Variants in SMOC2 observed in about 807,000 individuals in gnomAD.
The protein encoded by SMOC2 is SPARC related modular calcium binding 2.
SMOC2 carries 39 observed loss-of-function variants against 61.4 expected under a neutral mutation model. The observed-to-expected ratio is 0.64, with a 90% CI of 0.49 to 0.83. SMOC2 has a LOEUF of 0.83. SMOC2 is among the 40% of genes least tolerant of loss of function. The pLI is 0.00. For missense variants in SMOC2, 556 were observed against 592.9 expected (o/e 0.94, Z 0.65); for synonymous variants, 247 against 239.9 (o/e 1.03, Z -0.27).
chr6:168,511,591 C>A (rs1361725279), intron 2 of SMOC2, among the ~76,000 whole-genome samples: 1 of 152,154 alleles, frequency 6.6e-6, no homozygotes, highest in Non-Finnish European at 1.5e-5. Context: ...CAGAGTGCAT[C>A]CCTGTCATTA....
rs111210862 is a variant in SMOC2, at chr6:168,599,703, C to G, written c.824+699C>G. ...ACACTCTCACACTCTCACACACACA[C>G]CCACAGTCACACACAACCACTAATA... is the stretch of plus-strand genomic sequence containing the variant. On this transcript the variant is annotated intron_variant, in intron 8 of 12. Coordinates refer to ENST00000356284, the MANE Select transcript of SMOC2 (RefSeq NM_001166412.2). Among the ~76,000 whole-genome samples, 1,288 of 146,126 alleles carry G rather than the reference C, an allele frequency of 8.8e-3. 25 individuals carry two copies. Among genetic ancestry groups the G allele is most frequent in the African/African-American group, 0.031 (1,192 of 38,968 alleles).
chr6:168,464,809 G>T (rs1781792878), intron 1 of SMOC2, among the ~76,000 whole-genome samples: 1 of 152,210 alleles, frequency 6.6e-6, no homozygotes, highest in Admixed American at 6.5e-5. Flanking sequence ...AGAAGCATTT[G>T]GGAGAGGAAT....
chr6:168,520,937 C>G (rs1583076739), intron 2 of SMOC2, among the ~76,000 whole-genome samples: 2 of 152,166 alleles, frequency 1.3e-5, no homozygotes, highest in South Asian at 2.1e-4. Context: ...TTTAACTGTT[C>G]CTTTTAATTG....
chr6:168,447,120 G>A (rs1233127176), intron 1 of SMOC2, among the ~76,000 whole-genome samples: 2 of 152,214 alleles, frequency 1.3e-5, no homozygotes, highest in East Asian at 3.9e-4. Context: ...AGGCTGGAGT[G>A]CAGTGGTGCA....
chr6:168,576,913 A>G (rs375036623), intron 7 of SMOC2, among the ~76,000 whole-genome samples: 4 of 152,010 alleles, frequency 2.6e-5, no homozygotes, highest in South Asian at 2.1e-4. Context: ...TTTCCCCTCA[A>G]GCACGCATGA....
chr6:168,447,854 G>C (rs987948505), intron 1 of SMOC2, among the ~76,000 whole-genome samples: 2 of 151,730 alleles, frequency 1.3e-5, no homozygotes, highest in Non-Finnish European at 2.9e-5. Context: ...AAAATGCTGT[G>C]GTATGTAAGT....
intron 11 of SMOC2, among the ~76,000 whole-genome samples, chr6:168,658,047 T>G (rs969653225): frequency 3.7e-4 from 56 of 152,180 alleles, no homozygotes; most frequent in African/African-American, 1.3e-3. Flanking sequence ...TTTTGCTCTT[T>G]GAGACTTAAA....
intron 11 of SMOC2, 52 bp downstream of exon 11, chr6:168,653,280 G>C: frequency 6.4e-7 from 1 of 1,561,438 alleles, no homozygotes; most frequent in Non-Finnish European, 8.6e-7. Context: ...CCTGAGGCCT[G>C]GGAGGTCTGC....
At chr6:168,469,647 G>A (rs1781925726) in intron 1 of SMOC2, among the ~76,000 whole-genome samples, 1 of 152,188 alleles carries the variant, frequency 6.6e-6, no homozygotes. Flanking sequence ...TCCACCAGCA[G>A]AGCTGCTCGG....
chr6:168,506,834 C>T (rs546770112), intron 1 of SMOC2, among the ~76,000 whole-genome samples: 10 of 152,242 alleles, frequency 6.6e-5, no homozygotes, highest in Non-Finnish European at 1.3e-4. Context: ...TTTTAAGACT[C>T]TCAACCGAGT....
chr6:168,557,806 T>C (rs1784282984), intron 7 of SMOC2, among the ~76,000 whole-genome samples: 1 of 152,244 alleles, frequency 6.6e-6, no homozygotes, highest in African/African-American at 2.4e-5. Flanking sequence ...CAAGGCACCG[T>C]GTGTTCTAAT....
chr6:168,499,958 A>C (rs1168697768), intron 1 of SMOC2, among the ~76,000 whole-genome samples: 1 of 152,260 alleles, frequency 6.6e-6, no homozygotes, highest in Non-Finnish European at 1.5e-5. Flanking sequence ...GTTTAGAACA[A>C]TGCCTGGCCC....
chr6:168,592,439 C>T (rs865915294), intron 7 of SMOC2, among the ~76,000 whole-genome samples: 1 of 99,210 alleles, frequency 1.0e-5, no homozygotes, highest in Non-Finnish European at 2.1e-5. Context: ...TCTAGAGGAT[C>T]GCCGAGCTCC....
chr6:168,647,209 G>A lies in SMOC2; in HGVS notation c.908-3472G>A, dbSNP rs35642256. On this transcript the variant is annotated intron_variant, in intron 9 of 12. Transcript: ENST00000356284. ...AAAATAAAGGGTGACTGGGTACATC[G>A]CTGAGCCTGCATGCGGCAGTTTTGA... 3.4e-3 allele frequency among the ~76,000 whole-genome samples: 514 copies of A among 152,298 alleles called. 1 individual carries two copies. The highest frequency in any genetic ancestry group is 5.5e-3 in the Non-Finnish European group (377 of 68,026).
chr6:168,559,215 G>A (rs1183969487), intron 7 of SMOC2, among the ~76,000 whole-genome samples: 1 of 152,100 alleles, frequency 6.6e-6, no homozygotes, highest in African/African-American at 2.4e-5. Flanking sequence ...CAGCACTTTG[G>A]GAGGCCAAGG....
intron 1 of SMOC2, among the ~76,000 whole-genome samples, chr6:168,459,054 ACT>A (rs926308834): frequency 6.6e-6 from 1 of 151,896 alleles, no homozygotes; most frequent in African/African-American, 2.4e-5. Flanking sequence ...ACCCAAATAA[ACT>A]CTATTCCCCA....
chr6:168,521,854 G>C (rs918044253), intron 2 of SMOC2, among the ~76,000 whole-genome samples: 3 of 152,202 alleles, frequency 2.0e-5, no homozygotes, highest in African/African-American at 4.8e-5. Context: ...CAGCCTTGCC[G>C]ACAGAGACCC....
intron 9 of SMOC2, among the ~76,000 whole-genome samples, 186 bp downstream of exon 9, chr6:168,608,425 G>A (rs745350462): frequency 2.0e-5 from 3 of 152,200 alleles, no homozygotes; most frequent in Non-Finnish European, 2.9e-5. Flanking sequence ...GAGCCCACAC[G>A]GGGAGCACCT....
intron 8 of SMOC2, among the ~76,000 whole-genome samples, chr6:168,602,564 G>T (rs545776559): frequency 6.6e-6 from 1 of 152,346 alleles, no homozygotes; most frequent in East Asian, 1.9e-4. Context: ...AAGGGGAAGG[G>T]ACCTGTTGTG....
Sources: allele counts gnomAD v4.1 joint callset (sites outside exome capture counted in the v4.1 genomes callset), GRCh38; gene constraint gnomAD v4.1.1; transcripts MANE v1.5; gene names NCBI Gene and HGNC (gene_info 2026-07-23, HGNC 2026-07-21).